Variants in NCF2 observed in about 807,000 individuals in gnomAD.
NCF2 encodes the protein neutrophil cytosol factor 2.
A neutral mutation model predicts 70.9 loss-of-function variants in NCF2; 45 were observed. The ratio of observed to expected loss-of-function variants is 0.63; its 90% CI spans 0.50 to 0.81. NCF2 has a LOEUF of 0.81. NCF2 is among the 40% of genes least tolerant of loss of function. The pLI is 0.00. For missense variants in NCF2, 522 were observed against 631.6 expected (o/e 0.83, Z 1.86); for synonymous variants, 203 against 233.6 (o/e 0.87, Z 1.19).
the NCF2 span, among the ~76,000 whole-genome samples, chr1:183,599,437 T>TCTTTCTTTCTTTCTTTCTTTCTTTCTTTC: frequency 1.0e-5 from 1 of 96,740 alleles, no homozygotes; most frequent in African/African-American, 3.5e-5. Flanking sequence ...TTTCTTTCTT[T>TCTTTCTTTCTTTCTTTCTTTCTTTCTTTC]CTTTCTTTCT....
intron 2 of NCF2, among the ~76,000 whole-genome samples, chr1:183,585,871 A>G (rs554849993): frequency 3.9e-5 from 6 of 152,362 alleles, no homozygotes; most frequent in East Asian, 3.9e-4. Context: ...CATGTTGACT[A>G]TAAACAAACC....
In NCF2 at chr1:183,569,140, A is replaced by G; in HGVS notation, c.713+2T>C. 1 of 1,613,370 alleles carries G rather than the reference A, an allele frequency of 6.2e-7. No homozygotes were observed. Among genetic ancestry groups the G allele is most frequent in the Admixed American group, 1.7e-5 (1 of 60,002 alleles). ...CTATTTATGGATTTGAATCTAACTT[A>G]CCTGAAGATCTCTGGGGTTTTCGGT... On this transcript the variant is annotated splice_donor_variant, in intron 7 of 14. Coordinates refer to ENST00000367535, the MANE Select transcript of NCF2 (RefSeq NM_000433.4). LOFTEE classifies it high-confidence loss of function.
rs778431195 is a variant in NCF2, at chr1:183,567,264, G to A, written c.795C>T (p.Asn265=). 7.3e-5 allele frequency: 118 copies of A among 1,613,996 alleles called. No individual in the cohort carries two copies. The highest frequency in any genetic ancestry group is 9.6e-5 in the Non-Finnish European group (113 of 1,180,034). ...TGCCCTTCTTCAAGACAAAGACAATGTTCCCTGGCATGACCTGGAGCTCTT... is the reference window on the plus strand; with the variant it reads ...TGCCCTTCTTCAAGACAAAGACAATATTCCCTGGCATGACCTGGAGCTCTT... The part of the protein sequence containing the change: ...TKEELQVMPG[N]IVFVLKKGND... The change falls in exon 8 of 15, where the codon AAC becomes AAT. Residue 265 remains asparagine, a synonymous_variant. Coordinates refer to ENST00000367535, the MANE Select transcript of NCF2 (RefSeq NM_000433.4).
At chr1:183,599,453 T>TCTTTC in the NCF2 span, among the ~76,000 whole-genome samples, 322 of 103,126 alleles carry the variant, frequency 3.1e-3, 6 homozygotes, top group Admixed American at 6.2e-3. Flanking sequence ...TTTCTTTCTT[T>TCTTTC]CTTTCTTTCT....
rs548961014 is a variant in NCF2, at chr1:183,583,677, C to T, written c.257+3218G>A. Reference sequence around the variant, plus strand: ...ATATACAGGAAGCAAATATCTGTCACGGGCCAGACATATTACAAAAGGAGG... The same window carrying T: ...ATATACAGGAAGCAAATATCTGTCATGGGCCAGACATATTACAAAAGGAGG... On this transcript the variant is annotated intron_variant, in intron 2 of 14. Coordinates refer to ENST00000367535, the MANE Select transcript of NCF2 (RefSeq NM_000433.4). 1.1e-3 allele frequency among the ~76,000 whole-genome samples: 171 copies of T among 152,240 alleles called. 2 individuals carry two copies. The highest frequency in any genetic ancestry group is 3.8e-3 in the African/African-American group (157 of 41,534).
At chr1:183,556,269 C>T (rs1376788238) in intron 14 of NCF2, 39 bp from the exon 15 acceptor site, 2 of 1,559,766 alleles carry the variant, frequency 1.3e-6, no homozygotes, top group South Asian at 1.1e-5. Context: ...TCTAAAACCA[C>T]TGTAGGAAGA....
intron 5 of NCF2, 51 bp from the exon 6 acceptor site, chr1:183,570,890 C>T (rs1203179324): frequency 6.3e-7 from 1 of 1,584,240 alleles, no homozygotes. Context: ...TGTTTCCATT[C>T]TTCTGGGTCT....
At chr1:183,595,525 C>T (rs762081755), upstream of NCF2, among the ~76,000 whole-genome samples, 7 of 152,178 alleles carry the variant, frequency 4.6e-5, no homozygotes, top group Non-Finnish European at 1.0e-4. Flanking sequence ...CTCAGGGTCT[C>T]ACAAGGCTGA....
chr1:183,573,358 C>T, intron 4 of NCF2, 66 bp from the exon 5 acceptor site: 1 of 1,381,034 alleles, frequency 7.2e-7, no homozygotes, highest in African/African-American at 1.4e-5. Context: ...GTCCTGCCTC[C>T]CTCAGTGAAT....
intron 2 of NCF2, among the ~76,000 whole-genome samples, chr1:183,579,138 G>A (rs1672937698): frequency 6.6e-6 from 1 of 152,230 alleles, no homozygotes; most frequent in Non-Finnish European, 1.5e-5. Flanking sequence ...GAGGCAGTGT[G>A]ATGTAGTAAA....
At chr1:183,573,158 CA>C (rs770347930) in intron 5 of NCF2, 26 bp downstream of exon 5, 1 of 1,604,540 alleles carries the variant, frequency 6.2e-7, no homozygotes, top group Non-Finnish European at 8.5e-7. Context: ...ACAGGAGACT[CA>C]GGGGAAGCTG....
At chr1:183,592,501 G>A (rs550827821), upstream of NCF2, among the ~76,000 whole-genome samples, 2 of 152,264 alleles carry the variant, frequency 1.3e-5, no homozygotes, top group South Asian at 4.2e-4. Flanking sequence ...CTTGGAAGTT[G>A]GGACCATGCC....
rs966626034 is a variant in NCF2, at chr1:183,555,780, A to G, written c.*338T>C. The G allele has an allele frequency of 6.3e-6, 2 of 317,620 alleles. No homozygotes were observed. The highest frequency in any genetic ancestry group is 2.1e-5 in the African/African-American group (1 of 47,440). The allele number at this position is 317,620 out of a possible 1,614,324, so 19.7% of individuals were successfully genotyped here. A position where few individuals can be genotyped will look rare whatever the true frequency, so the allele number is the denominator to read the frequency against. Reference sequence around the variant, plus strand: ...GTGCACCAAATGTACAGCTTGATGAATGTTTACAGTGTGAACACAGCTGGC... The same window carrying G: ...GTGCACCAAATGTACAGCTTGATGAGTGTTTACAGTGTGAACACAGCTGGC... On this transcript the variant is annotated 3_prime_UTR_variant, in exon 15 of 15. Transcript: ENST00000367535.
In NCF2 at chr1:183,563,586, C is replaced by T; in HGVS notation, c.1027-1G>A. On this transcript the variant is annotated splice_acceptor_variant, in intron 11 of 14. Transcript: ENST00000367535. LOFTEE classifies it high-confidence loss of function. ...GCATGGGAACACTGAGCTTCACTTC[C>T]TGAGTGGGGAGGAAACAAAGGGAAC... 1 of 1,613,208 alleles carries T rather than the reference C, an allele frequency of 6.2e-7. No homozygotes were observed. Among genetic ancestry groups the T allele is most frequent in the Non-Finnish European group, 8.5e-7 (1 of 1,180,006 alleles).
chr1:183,575,343 A>G (rs143756957), intron 3 of NCF2, among the ~76,000 whole-genome samples: 35 of 152,264 alleles, frequency 2.3e-4, no homozygotes, highest in African/African-American at 7.2e-4. Context: ...GGTGGCAGGC[A>G]CCTGTAATCT....
intron 1 of NCF2, 74 bp from the exon 2 acceptor site, chr1:183,587,051 G>A: frequency 7.3e-7 from 1 of 1,377,336 alleles, no homozygotes; most frequent in Non-Finnish European, 1.0e-6. Flanking sequence ...ACGGCTCACA[G>A]AGCCCTAGCT....
chr1:183,580,980 A>G, intron 2 of NCF2, among the ~76,000 whole-genome samples: 1 of 119,550 alleles, frequency 8.4e-6, no homozygotes, highest in South Asian at 2.6e-4. Flanking sequence ...CTCCAACTCA[A>G]AAAAAAAAAA....
intron 14 of NCF2, among the ~76,000 whole-genome samples, chr1:183,559,757 G>A (rs1299530862): frequency 6.6e-6 from 1 of 152,216 alleles, no homozygotes; most frequent in African/African-American, 2.4e-5. Flanking sequence ...TACTCAGGAG[G>A]CTGAGGCAGG....
chr1:183,581,580 C>G (rs1224649115), intron 2 of NCF2, among the ~76,000 whole-genome samples: 1 of 151,970 alleles, frequency 6.6e-6, no homozygotes, highest in Non-Finnish European at 1.5e-5. Context: ...CCTCCCACCT[C>G]AGCCTCCCAA....
Sources: allele counts gnomAD v4.1 joint callset (sites outside exome capture counted in the v4.1 genomes callset), GRCh38; gene constraint gnomAD v4.1.1; transcripts MANE v1.5; gene names NCBI Gene and HGNC (gene_info 2026-07-23, HGNC 2026-07-21).